The following ZNF91 variants were observed in gnomAD, a reference collection of about 807,000 sequenced individuals.
The protein encoded by ZNF91 is zinc finger protein 91.
ZNF91 carries 7 observed loss-of-function variants against 12.6 expected under a neutral mutation model. The observed-to-expected ratio is 0.55, with a 90% CI of 0.31 to 1.04. The LOEUF is 1.04. ZNF91 is among the 50% of genes least tolerant of loss of function. The pLI is 0.05. For synonymous variants in ZNF91, 453 were observed against 462.6 expected (o/e 0.98, Z 0.27); for missense variants, 1,217 against 1,385.4 (o/e 0.88, Z 1.93).
At chr19:23,354,062 G>A (rs1968429315), downstream of ZNF91, among the ~76,000 whole-genome samples, 1 of 152,114 alleles carries the variant, frequency 6.6e-6, no homozygotes, top group Non-Finnish European at 1.5e-5. Flanking sequence ...ACAAGACAGA[G>A]AAAGGAGGAA....
In ZNF91 at chr19:23,357,803, T is replaced by C. The variant is rs1053334811; in HGVS notation, c.*1600A>G. On this transcript the variant is annotated 3_prime_UTR_variant, in exon 4 of 4. Coordinates refer to ENST00000300619, the MANE Select transcript of ZNF91 (RefSeq NM_003430.4). ...TTTAAAAATAACTAAAACTGTAGAA[T>C]TGAATTATTTGTAATACAAAGAATA... is the stretch of plus-strand genomic sequence containing the variant. 4.6e-5 allele frequency: 7 copies of C among 152,160 alleles called. No individual in the cohort carries two copies. Among genetic ancestry groups the C allele is most frequent in the Admixed American group, 1.3e-4 (2 of 15,276 alleles). The allele number at this position is 152,160 out of a possible 1,614,324, so 9.4% of individuals were successfully genotyped here. A position where few individuals can be genotyped will look rare whatever the true frequency, so the allele number is the denominator to read the frequency against.
chr19:23,357,047 T>C (rs1968506995), downstream of ZNF91, among the ~76,000 whole-genome samples: 1 of 152,052 alleles, frequency 6.6e-6, no homozygotes, highest in African/African-American at 2.4e-5. Flanking sequence ...ACCAAAACGG[T>C]GAAACCCCGT....
intron 3 of ZNF91, chr19:23,339,141 C>G (rs1026692935): frequency 6.6e-6 from 1 of 151,090 alleles, no homozygotes; most frequent in South Asian, 2.1e-4. Flanking sequence ...TCTCACCTTA[C>G]TTGTAAGACA....
intron 1 of ZNF91, among the ~76,000 whole-genome samples, chr19:23,376,391 T>C (rs553238097): frequency 3.9e-4 from 59 of 149,442 alleles, no homozygotes; most frequent in African/African-American, 1.3e-3. Context: ...TTTTTTTTTT[T>C]CTCTTTTTTT....
chr19:23,340,979 T>C (rs888436829), intron 3 of ZNF91, among the ~76,000 whole-genome samples: 8 of 151,708 alleles, frequency 5.3e-5, no homozygotes, highest in Admixed American at 3.3e-4. Context: ...TTACTAATCA[T>C]TTTTCAATAA....
chr19:23,355,501 G>A (rs1599713994), downstream of ZNF91, among the ~76,000 whole-genome samples: 1 of 152,170 alleles, frequency 6.6e-6, no homozygotes, highest in East Asian at 1.9e-4. Flanking sequence ...TAAAAATTCT[G>A]GAAGATAAAA....
chr19:23,356,684 A>T (rs1345619225), downstream of ZNF91, among the ~76,000 whole-genome samples: 1 of 152,212 alleles, frequency 6.6e-6, no homozygotes, highest in Non-Finnish European at 1.5e-5. Flanking sequence ...ACCACTAAAG[A>T]ACTTACTCAA....
In ZNF91 at chr19:23,358,835, C is replaced by T. The variant is rs1238564119; in HGVS notation, c.*568G>A. 1 of 167,210 alleles carries T rather than the reference C, an allele frequency of 6.0e-6. No homozygotes were observed. The highest frequency in any genetic ancestry group is 1.4e-5 in the Non-Finnish European group (1 of 72,924). 10.4% of individuals were successfully genotyped at this position (167,210 alleles called of 1,614,324 possible). Reference sequence around the variant, plus strand: ...TGATGTTTAGAAAAGTTTGACTTGTCAAAAGCGTTGGCACATCTTTCAGGT... The same window carrying T: ...TGATGTTTAGAAAAGTTTGACTTGTTAAAAGCGTTGGCACATCTTTCAGGT... On this transcript the variant is annotated 3_prime_UTR_variant, in exon 4 of 4. Coordinates refer to ENST00000300619, the MANE Select transcript of ZNF91 (RefSeq NM_003430.4).
intron 1 of ZNF91, among the ~76,000 whole-genome samples, chr19:23,329,847 C>T (rs554101860): frequency 2.0e-5 from 3 of 152,314 alleles, no homozygotes; most frequent in African/African-American, 7.2e-5. Context: ...CTTTATGCAA[C>T]TCAGGGAGAC....
intron 1 of ZNF91, among the ~76,000 whole-genome samples, chr19:23,322,777 CTCT>C (rs1163717523): frequency 5.6e-5 from 8 of 141,866 alleles, no homozygotes; most frequent in Non-Finnish European, 7.7e-5. Context: ...TCTTTCTCCC[CTCT>C]TCTTCCTCAC....
intron 3 of ZNF91, among the ~76,000 whole-genome samples, chr19:23,363,536 A>T (rs1014705675): frequency 6.6e-6 from 1 of 152,240 alleles, no homozygotes; most frequent in Non-Finnish European, 1.5e-5. Flanking sequence ...AGAAATTCCC[A>T]TAATCATTAG....
chr19:23,357,083 C>T (rs578181968), downstream of ZNF91, among the ~76,000 whole-genome samples: 7 of 152,202 alleles, frequency 4.6e-5, no homozygotes, highest in South Asian at 8.3e-4. Context: ...AAAAATGAGC[C>T]GGGCGTGGTG....
chr19:23,386,473 T>C (rs1426969211), intron 1 of ZNF91, among the ~76,000 whole-genome samples: 3 of 152,136 alleles, frequency 2.0e-5, no homozygotes, highest in Admixed American at 6.5e-5. Context: ...CATAGATGAA[T>C]GTAACAGAAT....
chr19:23,353,937 G>A (rs1050766378), downstream of ZNF91, among the ~76,000 whole-genome samples: 2 of 152,090 alleles, frequency 1.3e-5, no homozygotes, highest in Admixed American at 1.3e-4. Flanking sequence ...CAAGCAGTGA[G>A]ATTAAAATGG....
At position 23,395,436 on chromosome 19, in the gene ZNF91, AG is replaced by A; in HGVS notation, c.-83del. 5 of 1,541,422 alleles carry A rather than the reference AG, an allele frequency of 3.2e-6. No individual in the cohort carries two copies. Among genetic ancestry groups the A allele is most frequent in the Non-Finnish European group, 4.4e-6 (5 of 1,132,060 alleles). On this transcript the variant is annotated 5_prime_UTR_variant, in exon 1 of 4. Coordinates refer to ENST00000300619, the MANE Select transcript of ZNF91 (RefSeq NM_003430.4). ...TGGAGCAGAGGACACAGAGCAGTGA[AG>A]TCGAGACCTGGAAACTCCGGCGGCA...
chr19:23,306,222 T>A (rs1312290838), intron 3 of ZNF91, among the ~76,000 whole-genome samples: 1 of 152,202 alleles, frequency 6.6e-6, no homozygotes, highest in Non-Finnish European at 1.5e-5. Context: ...TCTATTTGGA[T>A]CCAACACACA....
intron 1 of ZNF91, among the ~76,000 whole-genome samples, chr19:23,320,180 T>A (rs534142298): frequency 7.9e-5 from 12 of 152,328 alleles, no homozygotes; most frequent in African/African-American, 2.9e-4. Flanking sequence ...ATCTGGACAC[T>A]TATGGGATAG....
At chr19:23,390,294 C>A (rs1970017849) in intron 1 of ZNF91, among the ~76,000 whole-genome samples, 2 of 151,878 alleles carry the variant, frequency 1.3e-5, no homozygotes, top group Admixed American at 6.6e-5. Flanking sequence ...CCAGCCTGGG[C>A]AATTAGAGTA....
chr19:23,363,941 A>G (rs1480248153), intron 3 of ZNF91, among the ~76,000 whole-genome samples: 13 of 152,204 alleles, frequency 8.5e-5, no homozygotes, highest in Non-Finnish European at 1.9e-4. Context: ...TCACAGAAAG[A>G]TATTTATAAC....
Sources: allele counts gnomAD v4.1 joint callset (sites outside exome capture counted in the v4.1 genomes callset), GRCh38; gene constraint gnomAD v4.1.1; transcripts MANE v1.5; gene names NCBI Gene and HGNC (gene_info 2026-07-23, HGNC 2026-07-21).